The following SV2C variants were observed in gnomAD, a reference collection of about 807,000 sequenced individuals.
SV2C encodes the protein synaptic vesicle glycoprotein 2C.
A neutral mutation model predicts 79.7 loss-of-function variants in SV2C; 49 were observed. The observed-to-expected ratio is 0.61, with a 90% confidence interval of 0.49 to 0.78. The LOEUF (loss-of-function observed/expected upper bound fraction) is 0.78, where lower values mean the gene tolerates loss of function less well. Among genes scored for constraint, SV2C ranks in the 30% least tolerant of loss-of-function variants. The pLI, the probability that SV2C is intolerant of heterozygous loss-of-function variation, is 0.00. For synonymous variants in SV2C, 334 were observed against 333.2 expected (o/e 1.00, Z -0.03); for missense variants, 833 against 912.9 (o/e 0.91, Z 1.13).
chr5:75,973,639 T>C, the SV2C span, among the ~76,000 whole-genome samples: 2 of 152,272 alleles, frequency 1.3e-5, no homozygotes, highest in South Asian at 2.1e-4. Context: ...TACACTGTTC[T>C]GATGATTAGG....
At chr5:75,968,318 T>C in the SV2C span, among the ~76,000 whole-genome samples, 1 of 152,188 alleles carries the variant, frequency 6.6e-6, no homozygotes, top group Non-Finnish European at 1.5e-5. Flanking sequence ...TGAACAAAGC[T>C]GGACGGAGAA....
rs771193138 is a variant in SV2C, at chr5:76,291,245, CAAAT to C, written c.1164_1167del (p.Ile389MetfsTer3). 1.2e-6 allele frequency: 2 copies of C among 1,611,478 alleles called. No homozygotes were observed. The highest frequency in any genetic ancestry group is 1.7e-6 in the Non-Finnish European group (2 of 1,179,096). On this transcript the variant is annotated frameshift_variant, in exon 7 of 13. Coordinates refer to ENST00000502798, the MANE Select transcript of SV2C (RefSeq NM_014979.4). LOFTEE classifies it high-confidence loss of function. ...GGTAAACAAAATAAAAACTCCTAAA[CAAAT>C]AGATGAGCTGATTGAAATTGAGAGT...
the SV2C span, among the ~76,000 whole-genome samples, chr5:75,916,027 G>A: frequency 6.6e-6 from 1 of 152,132 alleles, no homozygotes; most frequent in Non-Finnish European, 1.5e-5. Context: ...GTCAGGCTAA[G>A]GAATGGAAAT....
the SV2C span, among the ~76,000 whole-genome samples, chr5:76,020,835 C>A: frequency 6.6e-6 from 1 of 152,100 alleles, no homozygotes. Context: ...CTCTCTCTTT[C>A]CACATTGCTT....
chr5:76,083,317 C>A (rs1278107964), upstream of SV2C: 2 of 152,506 alleles, frequency 1.3e-5, no homozygotes, highest in East Asian at 3.8e-4. Context: ...GGAGGAGGAC[C>A]GCAGCGTGCA....
At chr5:75,986,788 G>C in the SV2C span, among the ~76,000 whole-genome samples, 1 of 151,892 alleles carries the variant, frequency 6.6e-6, no homozygotes. Context: ...TATGTCTTGT[G>C]TCTGTTTGTT....
the SV2C span, among the ~76,000 whole-genome samples, chr5:76,030,266 G>GGTTTTTTTTTTTTTTTTTTTTTTTTTT: frequency 2.5e-4 from 8 of 31,954 alleles, no homozygotes; most frequent in African/African-American, 1.2e-3. Context: ...TCAGAGGCTT[G>GGTTTTTTTTTTTTTTTTTTTTTTTTTT]TTTTTTTTTT....
At chr5:76,273,764 C>G (rs1746944565) in intron 4 of SV2C, among the ~76,000 whole-genome samples, 1 of 152,150 alleles carries the variant, frequency 6.6e-6, no homozygotes, top group Non-Finnish European at 1.5e-5. Flanking sequence ...AACCCCTGGA[C>G]TCTCTCCCTG....
chr5:76,302,778 A>C (rs968552452), intron 12 of SV2C, among the ~76,000 whole-genome samples: 1 of 151,958 alleles, frequency 6.6e-6, no homozygotes, highest in African/African-American at 2.4e-5. Flanking sequence ...ATTTGATATG[A>C]GCTAAGACAA....
chr5:75,931,331 C>T, the SV2C span, among the ~76,000 whole-genome samples: 2 of 152,198 alleles, frequency 1.3e-5, no homozygotes, highest in African/African-American at 4.8e-5. Flanking sequence ...GGTCACAAAT[C>T]TTCTATGTGG....
the SV2C span, among the ~76,000 whole-genome samples, chr5:75,957,580 C>G: frequency 3.9e-5 from 6 of 152,008 alleles, no homozygotes; most frequent in Non-Finnish European, 8.8e-5. Context: ...CTTTTCTGCT[C>G]TGTCACAAAG....
chr5:76,258,022 G>A (rs1240305290), intron 4 of SV2C, among the ~76,000 whole-genome samples: 1 of 150,008 alleles, frequency 6.7e-6, no homozygotes, highest in African/African-American at 2.5e-5. Flanking sequence ...GTAGTGTGTG[G>A]GGTGTGGATT....
At chr5:76,048,798 C>T in the SV2C span, among the ~76,000 whole-genome samples, 1 of 119,826 alleles carries the variant, frequency 8.3e-6, no homozygotes, top group Admixed American at 9.4e-5. Flanking sequence ...GAACCTTTTT[C>T]AGCCTCCAGA....
At chr5:75,921,086 A>G in the SV2C span, 18 of 778,326 alleles carry the variant, frequency 2.3e-5, no homozygotes, top group East Asian at 4.2e-4. Context: ...GATGGGGCCA[A>G]ACTCCTGGGT....
At chr5:76,151,194 T>C (rs148979771) in intron 2 of SV2C, among the ~76,000 whole-genome samples, 38 of 152,280 alleles carry the variant, frequency 2.5e-4, no homozygotes, top group African/African-American at 8.4e-4. Flanking sequence ...GCTGGGTAAA[T>C]GGTGTTTCTG....
At chr5:76,052,865 G>A in the SV2C span, among the ~76,000 whole-genome samples, 1 of 151,220 alleles carries the variant, frequency 6.6e-6, no homozygotes, top group Non-Finnish European at 1.5e-5. Context: ...GCCTCTCTTG[G>A]AGGGTTTATA....
intron 4 of SV2C, among the ~76,000 whole-genome samples, chr5:76,252,061 T>C (rs1463856709): frequency 6.6e-6 from 1 of 152,222 alleles, no homozygotes; most frequent in African/African-American, 2.4e-5. Flanking sequence ...TCCAGAGCTT[T>C]TTGATCTTCA....
chr5:76,045,810 C>G, the SV2C span, among the ~76,000 whole-genome samples: 218 of 152,250 alleles, frequency 1.4e-3, no homozygotes, highest in African/African-American at 4.9e-3. Flanking sequence ...CCTCCTTATT[C>G]TGTGGGGGCT....
chr5:75,869,255 T>C, the SV2C span, among the ~76,000 whole-genome samples: 1 of 152,054 alleles, frequency 6.6e-6, no homozygotes, highest in Non-Finnish European at 1.5e-5. Flanking sequence ...GGGCCTACCC[T>C]AGGCCAGAGG....
Sources: allele counts gnomAD v4.1 joint callset (sites outside exome capture counted in the v4.1 genomes callset), GRCh38; gene constraint gnomAD v4.1.1; transcripts MANE v1.5; gene names NCBI Gene and HGNC (gene_info 2026-07-23, HGNC 2026-07-21).